The following PCDHA1 variants were observed in gnomAD, a reference collection of about 807,000 sequenced individuals.
PCDHA1 encodes the protein protocadherin alpha-1.
Under a neutral mutation model 61.3 loss-of-function variants are expected in PCDHA1, and 42 were observed. The ratio of observed to expected loss-of-function variants is 0.69; its 90% confidence interval spans 0.54 to 0.89. PCDHA1 has a LOEUF of 0.89. Among genes scored for constraint, PCDHA1 ranks in the 40% least tolerant of loss-of-function variants. The pLI is 0.00. For missense variants in PCDHA1, 1,256 were observed against 1,235.3 expected (o/e 1.02, Z -0.25); for synonymous variants, 610 against 553.8 (o/e 1.10, Z -1.43).
rs1417954039 is a variant in PCDHA1, at chr5:140,828,944, G to A, written c.2394+40260G>A. The A allele has an allele frequency of 3.7e-6, 6 of 1,614,124 alleles. No homozygotes were observed. In the African/African-American group the frequency reaches 4.0e-5, roughly 11 times the overall value. On this transcript the variant is annotated intron_variant, in intron 1 of 3. Transcript: ENST00000504120. ...AATTTCATATTCTTTTAATAGCCTT[G>A]TTGCAGCCATGGTTATTGACCACTT...
chr5:141,000,904 T>A lies in PCDHA1; in HGVS notation c.2543-8723T>A, dbSNP rs1398868730. Among the ~76,000 whole-genome samples, 6 of 151,990 alleles carry A rather than the reference T, an allele frequency of 3.9e-5. No individual in the cohort carries two copies. The East Asian group carries it at 1.2e-3, about 29-fold the overall frequency. On this transcript the variant is annotated intron_variant, in intron 3 of 3. Coordinates refer to ENST00000504120, the MANE Select transcript of PCDHA1 (RefSeq NM_018900.4). ...ACCTGGGCAACAGATATAGACGCTGTCTCTAAAAAAAAAAATCCTGTGTGA... is the reference window on the plus strand; with the variant it reads ...ACCTGGGCAACAGATATAGACGCTGACTCTAAAAAAAAAAATCCTGTGTGA...
rs2150154189 is a variant in PCDHA1, at chr5:140,828,336, G to A, written c.2394+39652G>A. 2 of 1,614,120 alleles carry A rather than the reference G, an allele frequency of 1.2e-6. No individual in the cohort carries two copies. Among genetic ancestry groups the A allele is most frequent in the Non-Finnish European group, 1.7e-6 (2 of 1,180,060 alleles). ...CTTCTGGAGGTAAATCTGCAGAATGGCATTTTGTTTGTGAATTCTCGGATC... is the reference window on the plus strand; with the variant it reads ...CTTCTGGAGGTAAATCTGCAGAATGACATTTTGTTTGTGAATTCTCGGATC... On this transcript the variant is annotated intron_variant, in intron 1 of 3. Transcript: ENST00000504120.
rs782314357 is a variant in PCDHA1 at position 140,927,486 on chromosome 5, C to G, written c.2395-51463C>G. The G allele has an allele frequency of 6.2e-6, 10 of 1,614,128 alleles. No individual in the cohort carries two copies. In the East Asian group the frequency reaches 2.2e-4, roughly 36 times the overall value. ...CACTGGATCGCGAACAGCGCGCCACCCACCTGCTGGTGCTTACAGCTCGGG... is the reference window on the plus strand; with the variant it reads ...CACTGGATCGCGAACAGCGCGCCACGCACCTGCTGGTGCTTACAGCTCGGG... On this transcript the variant is annotated intron_variant, in intron 1 of 3. Coordinates refer to ENST00000504120, the MANE Select transcript of PCDHA1 (RefSeq NM_018900.4).
In PCDHA1 at chr5:140,786,331, T is replaced by G; in HGVS notation, c.41T>G (p.Leu14Arg). 1 of 1,613,158 alleles carries G rather than the reference T, an allele frequency of 6.2e-7. No homozygotes were observed. Among genetic ancestry groups the G allele is most frequent in the South Asian group, 1.1e-5 (1 of 91,014 alleles). The change falls in exon 1 of 4, where the codon CTG (leucine) becomes CGG (arginine). Residue 14 changes from leucine (L) to arginine (R), a missense_variant. Transcript: ENST00000504120. ...AGAGGGGGCCTGGGAGCCCGGGATCTGCTTCTTTGGCTTCTGCTCCTCGCA... is the reference window on the plus strand; with the variant it reads ...AGAGGGGGCCTGGGAGCCCGGGATCGGCTTCTTTGGCTTCTGCTCCTCGCA... ...SRRGGLGARD[L>R]LLWLLLLAAW... is the part of the protein sequence containing the mutation.
chr5:140,990,342 C>A (rs2097389388), intron 3 of PCDHA1, among the ~76,000 whole-genome samples: 1 of 152,124 alleles, frequency 6.6e-6, no homozygotes, highest in Non-Finnish European at 1.5e-5. Flanking sequence ...TAAGTAAAGC[C>A]TGCCCTGTAC....
chr5:140,898,794 T>C (rs1487494121), intron 1 of PCDHA1, among the ~76,000 whole-genome samples: 4 of 152,236 alleles, frequency 2.6e-5, no homozygotes, highest in Non-Finnish European at 4.4e-5. Context: ...ATGGCCATTT[T>C]CACGATACTG....
At chr5:140,933,721 C>T (rs957167505) in intron 1 of PCDHA1, among the ~76,000 whole-genome samples, 1 of 151,982 alleles carries the variant, frequency 6.6e-6, no homozygotes, top group African/African-American at 2.4e-5. Flanking sequence ...ATTGGTGATA[C>T]AGCTTTCTTA....
In PCDHA1 at chr5:140,803,590, A is replaced by C. The variant is rs376686641; in HGVS notation, c.2394+14906A>C. 42 of 1,614,072 alleles carry C rather than the reference A, an allele frequency of 2.6e-5. 1 individual carries two copies. The highest frequency in any genetic ancestry group is 2.0e-4 in the East Asian group (9 of 44,886). On this transcript the variant is annotated intron_variant, in intron 1 of 3. Coordinates refer to ENST00000504120, the MANE Select transcript of PCDHA1 (RefSeq NM_018900.4). Reference sequence around the variant, plus strand: ...GATGTGGACGTTGATCTCTCAGCCAAAGTGAGTAATTTTTATTTATTCTTT... The same window carrying C: ...GATGTGGACGTTGATCTCTCAGCCACAGTGAGTAATTTTTATTTATTCTTT...
At chr5:140,978,030 A>T (rs2096786422) in intron 1 of PCDHA1, among the ~76,000 whole-genome samples, 1 of 152,194 alleles carries the variant, frequency 6.6e-6, no homozygotes, top group Non-Finnish European at 1.5e-5. Flanking sequence ...GCTTACTGAT[A>T]CAAGACAGTG....
chr5:141,009,491 C>G, intron 3 of PCDHA1, 136 bp from the exon 4 acceptor site: 1 of 1,475,722 alleles, frequency 6.8e-7, no homozygotes, highest in Non-Finnish European at 9.0e-7. Flanking sequence ...GCCTTGCCCT[C>G]AGACTTGAAC....
At chr5:140,958,515 A>G (rs1217324801) in intron 1 of PCDHA1, among the ~76,000 whole-genome samples, 1 of 152,150 alleles carries the variant, frequency 6.6e-6, no homozygotes, top group Non-Finnish European at 1.5e-5. Flanking sequence ...TGGCTGTCCA[A>G]TATATACTAT....
intron 1 of PCDHA1, among the ~76,000 whole-genome samples, chr5:140,925,502 C>G (rs978472276): frequency 6.6e-6 from 1 of 151,912 alleles, no homozygotes; most frequent in Admixed American, 6.6e-5. Context: ...GTCCCAATAT[C>G]CACGCAAAAG....
At chr5:140,894,505 C>T (rs1054272448) in intron 1 of PCDHA1, among the ~76,000 whole-genome samples, 9 of 151,570 alleles carry the variant, frequency 5.9e-5, no homozygotes, top group Non-Finnish European at 2.9e-5. Context: ...AGGCATTATC[C>T]ATAGTGTTTA....
At chr5:140,933,351 T>C (rs2089082227) in intron 1 of PCDHA1, among the ~76,000 whole-genome samples, 1 of 152,024 alleles carries the variant, frequency 6.6e-6, no homozygotes, top group South Asian at 2.1e-4. Flanking sequence ...AAACACTTTA[T>C]TTCTAACCCA....
intron 1 of PCDHA1, chr5:140,802,515 A>G (rs782713590): frequency 2.5e-6 from 4 of 1,614,046 alleles, no homozygotes; most frequent in African/African-American, 2.7e-5. Flanking sequence ...GGCCACGGCC[A>G]GCGTGTCCGT....
chr5:140,786,725 T>C lies in PCDHA1; in HGVS notation c.435T>C (p.Ser145=). Residue 145 remains serine (S), a synonymous_variant, in exon 1 of 4, where the codon TCT becomes TCC. Transcript: ENST00000504120. ...AACAAATAATATTTATTCCTGAATC[T>C]AGACTCCTGAATTCGCGTTTTCCGA... ...GREQIIFIPE[S]RLLNSRFPIE... 6.2e-7 allele frequency: 1 copy of C among 1,614,244 alleles called. No individual in the cohort carries two copies. Among genetic ancestry groups the C allele is most frequent in the Non-Finnish European group, 8.5e-7 (1 of 1,180,044 alleles).
intron 1 of PCDHA1, chr5:140,821,871 C>T (rs2150111403): frequency 6.2e-7 from 1 of 1,614,228 alleles, no homozygotes; most frequent in South Asian, 1.1e-5. Context: ...AGCTCCACTA[C>T]TCGATCCCGG....
Position 140,787,104 on chromosome 5 carries a change from G to C in PCDHA1, c.814G>C (p.Gly272Arg). ...ATTAAATGCCTCTGATGCTGACGAA[G>C]GTGTAAATGGTGAAGTCGTCTTTTC... ...TTLNASDADE[G>R]VNGEVVFSFD... is the part of the protein sequence containing the mutation. Residue 272 changes from glycine to arginine, a missense_variant, in exon 1 of 4, where the codon GGT becomes CGT. By Grantham distance (125) the Gly-to-Arg change is moderately radical. Transcript: ENST00000504120. 6.2e-7 allele frequency: 1 copy of C among 1,614,180 alleles called. No individual in the cohort carries two copies. Among genetic ancestry groups the C allele is most frequent in the Non-Finnish European group, 8.5e-7 (1 of 1,180,002 alleles).
chr5:140,850,831 G>T, intron 1 of PCDHA1: 7 of 1,598,198 alleles, frequency 4.4e-6, no homozygotes, highest in Non-Finnish European at 6.0e-6. Flanking sequence ...CTTTCTCCTT[G>T]TGCTGGATCT....
Sources: gnomAD v4.1 joint callset for allele counts (sites outside exome capture counted in the v4.1 genomes callset) on GRCh38, gnomAD v4.1.1 for gene constraint, MANE v1.5 for transcripts, NCBI Gene and HGNC (gene_info 2026-07-23, HGNC 2026-07-21) for gene names.